Variants in PRSS23 observed in about 807,000 individuals in gnomAD.
The protein encoded by PRSS23 is serine protease 23.
In PRSS23, 25 loss-of-function variants were observed where a neutral mutation model predicts 34.7. The observed-to-expected ratio is 0.72, with a 90% CI of 0.53 to 1.01. The LOEUF (loss-of-function observed/expected upper bound fraction) is 1.01, where lower values mean the gene tolerates loss of function less well. PRSS23 is among the 50% of genes least tolerant of loss of function. The probability of loss-of-function intolerance (pLI) is 0.00; values close to 1 mark genes in which losing one functional copy is unlikely to be tolerated. For missense variants in PRSS23, 445 were observed against 475.6 expected (o/e 0.94, Z 0.60); for synonymous variants, 176 against 186.6 (o/e 0.94, Z 0.46).
At chr11:86,892,586 T>C (rs947086673) in intron 2 of PRSS23, among the ~76,000 whole-genome samples, 2 of 152,204 alleles carry the variant, frequency 1.3e-5, no homozygotes, top group African/African-American at 4.8e-5. Context: ...GTGTTTGGAA[T>C]TGAATACTGG....
chr11:86,800,036 A>G (rs1461496958), upstream of PRSS23, among the ~76,000 whole-genome samples: 1 of 152,154 alleles, frequency 6.6e-6, no homozygotes, highest in Non-Finnish European at 1.5e-5. Context: ...TTCTGAACCA[A>G]TTCTTCAAAT....
chr11:86,903,949 A>G (rs902076270), intron 2 of PRSS23, among the ~76,000 whole-genome samples: 1 of 147,696 alleles, frequency 6.8e-6, no homozygotes, highest in African/African-American at 2.4e-5. Flanking sequence ...AGGGTAAGCA[A>G]TAATTTAGAA....
chr11:86,843,976 G>C (rs138203201), intron 2 of PRSS23, among the ~76,000 whole-genome samples: 2,031 of 152,264 alleles, frequency 0.013, 27 homozygotes, highest in Non-Finnish European at 0.021. Context: ...AATGTTTATT[G>C]TGGCACTATT....
chr11:86,930,535 T>C (rs979366101), intron 2 of PRSS23, among the ~76,000 whole-genome samples: 24 of 152,228 alleles, frequency 1.6e-4, no homozygotes, highest in Non-Finnish European at 2.8e-4. Flanking sequence ...CTCACGTCTG[T>C]AATCCCAGCA....
intron 2 of PRSS23, among the ~76,000 whole-genome samples, chr11:86,866,579 A>C (rs1052690595): frequency 5.3e-5 from 8 of 152,234 alleles, no homozygotes; most frequent in Non-Finnish European, 1.0e-4. Context: ...GCACTGCATT[A>C]GACTCTGGGT....
chr11:86,814,142 A>G (rs938913843), downstream of PRSS23, among the ~76,000 whole-genome samples: 4 of 152,216 alleles, frequency 2.6e-5, no homozygotes, highest in Admixed American at 2.0e-4. Flanking sequence ...TTAGGTTTCA[A>G]CTGTCTAGCG....
At chr11:86,886,586 C>G (rs1332453377) in intron 2 of PRSS23, among the ~76,000 whole-genome samples, 1 of 152,204 alleles carries the variant, frequency 6.6e-6, no homozygotes, top group Non-Finnish European at 1.5e-5. Flanking sequence ...GAATTTGTCT[C>G]TCAGAGGACC....
intron 2 of PRSS23, among the ~76,000 whole-genome samples, chr11:86,941,481 T>C (rs1299060439): frequency 6.6e-6 from 1 of 152,228 alleles, no homozygotes; most frequent in Non-Finnish European, 1.5e-5. Flanking sequence ...ATTTCAGCTA[T>C]TCAACAAATA....
chr11:86,827,799 T>C (rs1012316538), intron 2 of PRSS23, among the ~76,000 whole-genome samples: 13 of 152,090 alleles, frequency 8.5e-5, no homozygotes, highest in Admixed American at 6.6e-4. Flanking sequence ...TGTAGTTGAG[T>C]GGTTTTGAGA....
At chr11:86,888,117 TA>T (rs35019573) in intron 2 of PRSS23, among the ~76,000 whole-genome samples, 2 of 98,812 alleles carry the variant, frequency 2.0e-5, no homozygotes, top group African/African-American at 3.9e-5. Context: ...TGGTTTTTTT[TA>T]AAAAAAAACA....
intron 2 of PRSS23, among the ~76,000 whole-genome samples, chr11:86,830,706 C>T (rs907330249): frequency 6.6e-5 from 10 of 152,126 alleles, no homozygotes; most frequent in Non-Finnish European, 1.3e-4. Flanking sequence ...TAATATTATT[C>T]GTAATATCCT....
rs1948270823 is a variant in PRSS23 at position 86,823,594 on chromosome 11, G to GT, written c.206+2dup. On this transcript the variant is annotated splice_donor_variant, in intron 2 of 2. Coordinates refer to the PRSS23 transcript ENST00000533902. LOFTEE classifies it high-confidence loss of function. ...TGGAGTTCACAGAAGAGTCGAGGAGGTAAGTTCATATCAGATTATCACAAA... is the reference window on the plus strand; with the variant it reads ...TGGAGTTCACAGAAGAGTCGAGGAGGTTAAGTTCATATCAGATTATCACAAA... 2.8e-6 allele frequency: 2 copies of GT among 702,466 alleles called. No individual in the cohort carries two copies. The allele number at this position is 702,466 out of a possible 1,614,324, so 43.5% of individuals were successfully genotyped here.
chr11:86,818,561 G>T (rs17819187), intron 1 of PRSS23, among the ~76,000 whole-genome samples: 20,395 of 152,036 alleles, frequency 0.13, 1,829 homozygotes, highest in East Asian at 0.42. Context: ...CAGACTAAAC[G>T]ATCTCAGATT....
intron 2 of PRSS23, among the ~76,000 whole-genome samples, chr11:86,844,776 A>C (rs1948473992): frequency 6.6e-6 from 1 of 152,238 alleles, no homozygotes; most frequent in Non-Finnish European, 1.5e-5. Flanking sequence ...GGAAGGGATG[A>C]AAGAACAGGC....
rs375706701 is a variant in PRSS23, at chr11:86,938,047, C to T, written c.207-13169C>T. Reference sequence around the variant, plus strand: ...GAGCTAACCCTCATTGTCAACACTACCTTGAACTAGTTGCCCCACTCCTAA... The same window carrying T: ...GAGCTAACCCTCATTGTCAACACTATCTTGAACTAGTTGCCCCACTCCTAA... On this transcript the variant is annotated intron_variant, in intron 2 of 2. Coordinates refer to the PRSS23 transcript ENST00000533902. Among the ~76,000 whole-genome samples the T allele has an allele frequency of 2.2e-3, 336 of 152,308 alleles. 1 individual carries two copies. The highest frequency in any genetic ancestry group is 3.7e-3 in the Non-Finnish European group (251 of 68,030).
chr11:86,947,136 G>A (rs1949250123), intron 2 of PRSS23: 1 of 155,984 alleles, frequency 6.4e-6, no homozygotes, highest in Admixed American at 6.4e-5. Context: ...CCAGGAGGCA[G>A]AGGTTGCAGT....
At chr11:86,871,640 C>T (rs912107613) in intron 2 of PRSS23, among the ~76,000 whole-genome samples, 3 of 152,216 alleles carry the variant, frequency 2.0e-5, no homozygotes, top group Non-Finnish European at 4.4e-5. Flanking sequence ...TTAAGCCTCA[C>T]AATCGTGTGA....
At chr11:86,798,090 G>A (rs1947992974), upstream of PRSS23, among the ~76,000 whole-genome samples, 1 of 152,206 alleles carries the variant, frequency 6.6e-6, no homozygotes, top group South Asian at 2.1e-4. Flanking sequence ...GAGCATGGTT[G>A]ATAAATCTCT....
intron 2 of PRSS23, among the ~76,000 whole-genome samples, chr11:86,843,145 A>C (rs1365921003): frequency 1.3e-5 from 2 of 152,214 alleles, no homozygotes; most frequent in East Asian, 3.8e-4. Flanking sequence ...ATCTTTGACA[A>C]ATCTGACAAA....
Sources: allele counts gnomAD v4.1 joint callset (sites outside exome capture counted in the v4.1 genomes callset), GRCh38; gene constraint gnomAD v4.1.1; transcripts MANE v1.5; gene names NCBI Gene and HGNC (gene_info 2026-07-23, HGNC 2026-07-21).